The following EVC2 variants were observed in gnomAD, a reference collection of about 807,000 sequenced individuals.
The protein encoded by EVC2 is limbin.
Under a neutral mutation model 149.3 loss-of-function variants are expected in EVC2, and 148 were observed. The ratio of observed to expected loss-of-function variants is 0.99; its 90% confidence interval spans 0.87 to 1.14. The LOEUF is 1.14. EVC2 is among the 50% of genes most tolerant of loss of function. EVC2 has a pLI of 0.00. For missense variants in EVC2, 1,854 were observed against 1,627.3 expected (o/e 1.14, Z -2.40); for synonymous variants, 776 against 649.9 (o/e 1.19, Z -2.95).
In EVC2 at chr4:5,571,027, C is replaced by A. The variant is rs1722612898; in HGVS notation, c.3361-2387G>T. Among the ~76,000 whole-genome samples the A allele has an allele frequency of 3.3e-5, 5 of 152,008 alleles. No individual in the cohort carries two copies. In the South Asian group the frequency reaches 1.0e-3, roughly 32 times the overall value. On this transcript the variant is annotated intron_variant, in intron 19 of 21. Transcript: ENST00000344408. The stretch of plus-strand genomic sequence containing the variant: ...GAGGGGGATGAAGGATAAAAGACTA[C>A]ACATTGGGCCGGGCGTCGTGGCTCA...
In EVC2 at chr4:5,677,074, G is replaced by A. The variant is rs1331152859; in HGVS notation, c.870+4186C>T. ...CTTGGCACAGCTGTGCTGTTCTCAT[G>A]TGTAAATAATAGTAATAATACTGCT... On this transcript the variant is annotated intron_variant, in intron 7 of 21. Transcript: ENST00000344408. This position sits in a 1 kb window ranked among gnomAD's most constrained non-coding sequence, Gnocchi z 4.3. 1.3e-5 allele frequency among the ~76,000 whole-genome samples: 2 copies of A among 152,186 alleles called. No homozygotes were observed. Among genetic ancestry groups the A allele is most frequent in the African/African-American group, 2.4e-5 (1 of 41,456 alleles).
chr4:5,657,527 A>C lies in EVC2; in HGVS notation c.1145+5580T>G, dbSNP rs1718602734. The stretch of plus-strand genomic sequence containing the variant: ...TGTCTTCTGGTTTGAGTAATGCTGC[A>C]CCTCATCCTAATCTTTGCTATCATG... On this transcript the variant is annotated intron_variant, in intron 9 of 21. Coordinates refer to ENST00000344408, the MANE Select transcript of EVC2 (RefSeq NM_147127.5). This position sits in a 1 kb window ranked among gnomAD's most constrained non-coding sequence, Gnocchi z 4.7. Among the ~76,000 whole-genome samples, 1 of 151,952 alleles carries C rather than the reference A, an allele frequency of 6.6e-6. No individual in the cohort carries two copies. Among genetic ancestry groups the C allele is most frequent in the Non-Finnish European group, 1.5e-5 (1 of 67,994 alleles).
intron 16 of EVC2, among the ~76,000 whole-genome samples, chr4:5,591,363 G>A (rs1010843043): frequency 3.9e-5 from 6 of 152,154 alleles, no homozygotes; most frequent in African/African-American, 1.4e-4. Context: ...CCAAATTTAT[G>A]AACATCATCA....
chr4:5,599,193 C>A (rs1242973506), intron 16 of EVC2, among the ~76,000 whole-genome samples: 2 of 151,282 alleles, frequency 1.3e-5, no homozygotes, highest in Non-Finnish European at 2.9e-5. Context: ...ACTAGAAATA[C>A]CATTTGACCA....
chr4:5,584,635 C>T lies in EVC2; in HGVS notation c.3045G>A (p.Glu1015=). The change falls in exon 17 of 22, where the codon GAG becomes GAA. Residue 1015 remains glutamate (E), a synonymous_variant. Coordinates refer to ENST00000344408, the MANE Select transcript of EVC2 (RefSeq NM_147127.5). ...CGCCTGCACTCACCCGGCTGTGCGA[C>T]TCCAGGATCTGTGTGCAGGCCGACT... ...LTKSACTQIL[E]SHSRELQELE... 6.2e-7 allele frequency: 1 copy of T among 1,613,522 alleles called. No individual in the cohort carries two copies. The highest frequency in any genetic ancestry group is 8.5e-7 in the Non-Finnish European group (1 of 1,179,768).
At chr4:5,595,487 C>A (rs1043153082) in intron 16 of EVC2, among the ~76,000 whole-genome samples, 1 of 151,900 alleles carries the variant, frequency 6.6e-6, no homozygotes, top group Non-Finnish European at 1.5e-5. Context: ...AAGTGAAGGA[C>A]AAATAAAATA....
At chr4:5,568,699 T>A in intron 19 of EVC2, 59 bp from the exon 20 acceptor site, 1 of 1,523,256 alleles carries the variant, frequency 6.6e-7, no homozygotes, top group Non-Finnish European at 8.9e-7. Flanking sequence ...GAACCATCAT[T>A]TTTAATTTAT....
At chr4:5,572,582 T>C (rs1722701786) in intron 19 of EVC2, among the ~76,000 whole-genome samples, 2 of 152,194 alleles carry the variant, frequency 1.3e-5, no homozygotes, top group Non-Finnish European at 2.9e-5. Context: ...GCAGGTACCT[T>C]GATTTCGGAC....
intron 3 of EVC2, among the ~76,000 whole-genome samples, chr4:5,692,055 C>T (rs1721155065): frequency 6.6e-6 from 1 of 152,216 alleles, no homozygotes; most frequent in Admixed American, 6.5e-5. Context: ...CTTGGCTCTC[C>T]TTGCTGTGAT....
intron 10 of EVC2, among the ~76,000 whole-genome samples, chr4:5,635,615 C>A (rs1196898906): frequency 6.6e-6 from 1 of 152,154 alleles, no homozygotes; most frequent in Non-Finnish European, 1.5e-5. Flanking sequence ...AAATCACGCT[C>A]GAAAGTGACG....
At chr4:5,539,776 AACACACAC>A (rs55685347), downstream of EVC2, among the ~76,000 whole-genome samples, 71 of 150,380 alleles carry the variant, frequency 4.7e-4, 3 homozygotes, top group African/African-American at 1.6e-3. Flanking sequence ...ATACTACAAA[AACACACAC>A]ACACACACAC....
chr4:5,585,072 T>C (rs1712161528), intron 16 of EVC2, among the ~76,000 whole-genome samples: 1 of 152,110 alleles, frequency 6.6e-6, no homozygotes, highest in South Asian at 2.1e-4. Context: ...CTTCATTCCA[T>C]ATGTATCATC....
At chr4:5,588,942 A>C (rs1425829715) in intron 16 of EVC2, among the ~76,000 whole-genome samples, 2 of 152,248 alleles carry the variant, frequency 1.3e-5, no homozygotes, top group Non-Finnish European at 2.9e-5. Context: ...ATGGAACACT[A>C]GGCATAAATG....
intron 15 of EVC2, among the ~76,000 whole-genome samples, chr4:5,616,302 G>A (rs921578954): frequency 6.6e-6 from 1 of 152,236 alleles, no homozygotes; most frequent in Non-Finnish European, 1.5e-5. Context: ...GAGGGCCACA[G>A]AAAGGGCTGA....
At chr4:5,700,776 C>T (rs1245050976) in intron 1 of EVC2, among the ~76,000 whole-genome samples, 9 of 152,334 alleles carry the variant, frequency 5.9e-5, no homozygotes, top group African/African-American at 1.4e-4. Context: ...CCAGCCTGCC[C>T]CTCCCTGTCA....
Position 5,640,426 on chromosome 4 carries a change from G to A in EVC2, c.1470+88C>T. ...GATGATGGGTAGACGGATGGAGGAG[G>A]CAAATGGACAGATGAGTGGGTAGAT... On this transcript the variant is annotated intron_variant, in intron 10 of 21. Coordinates refer to ENST00000344408, the MANE Select transcript of EVC2 (RefSeq NM_147127.5). The surrounding 1 kb of genome is among the most constrained non-coding windows in gnomAD (Gnocchi z 4.6). 6.7e-7 allele frequency: 1 copy of A among 1,486,838 alleles called. No individual in the cohort carries two copies. 92.1% of individuals were successfully genotyped at this position (1,486,838 alleles called of 1,614,324 possible).
At chr4:5,534,818 GAA>G in the EVC2 span, among the ~76,000 whole-genome samples, 441 of 66,830 alleles carry the variant, frequency 6.6e-3, 1 homozygote, top group African/African-American at 0.019. Context: ...CATCTGGTAG[GAA>G]AAAAAAAAAA....
At chr4:5,665,465 C>G in intron 8 of EVC2, 50 bp downstream of exon 8, 3 of 1,613,220 alleles carry the variant, frequency 1.9e-6, no homozygotes, top group Non-Finnish European at 2.5e-6. Context: ...GGGGGATGAA[C>G]TTCAACCTCA....
At chr4:5,604,030 A>C (rs972979135) in intron 16 of EVC2, among the ~76,000 whole-genome samples, 12 of 152,132 alleles carry the variant, frequency 7.9e-5, no homozygotes, top group African/African-American at 2.9e-4. Context: ...CAGCTTTGTG[A>C]CCTTGGATAA....
Sources: gnomAD v4.1 joint callset for allele counts (sites outside exome capture counted in the v4.1 genomes callset) on GRCh38, gnomAD v4.1.1 for gene constraint, Gnocchi (gnomAD v3.1) non-coding constraint, MANE v1.5 for transcripts, NCBI Gene and HGNC (gene_info 2026-07-23, HGNC 2026-07-21) for gene names.